WDR25: variants seen among roughly 807,000 people sequenced by gnomAD.
WDR25 encodes WD repeat domain 25, also known as WD repeat-containing protein 25.
Under a neutral mutation model 47.7 loss-of-function variants are expected in WDR25, and 35 were observed. The observed-to-expected ratio is 0.73, with a 90% CI of 0.56 to 0.97. WDR25 has a LOEUF of 0.97. Among genes scored for constraint, WDR25 ranks in the 50% least tolerant of loss-of-function variants. The pLI is 0.00. For missense variants in WDR25, 634 were observed against 704.7 expected, an observed-to-expected ratio of 0.90 and a Z score of 1.14; for synonymous variants, 248 against 278.9, an observed-to-expected ratio of 0.89 and a Z score of 1.10.
At chr14:100,452,869 A>G (rs1437544260) in intron 2 of WDR25, among the ~76,000 whole-genome samples, 1 of 152,174 alleles carries the variant, frequency 6.6e-6, no homozygotes, top group East Asian at 1.9e-4. Flanking sequence ...TTCAGCATAC[A>G]GTTGAGTGGT....
chr14:100,518,356 C>T lies in WDR25; in HGVS notation c.1102-7514C>T, dbSNP rs1008548636. Among the ~76,000 whole-genome samples the T allele has an allele frequency of 2.6e-5, 4 of 152,026 alleles. No homozygotes were observed. In the East Asian group the frequency reaches 7.7e-4, roughly 29 times the overall value. ...CATTTATGGTATTTCAAATTGTTCT[C>T]CTCTGTGTAATTCTTCATTTTTTTT... On this transcript the variant is annotated intron_variant, in intron 4 of 6. Transcript: ENST00000402312.
intron 3 of WDR25, among the ~76,000 whole-genome samples, chr14:100,478,689 C>G (rs926612450): frequency 6.6e-6 from 1 of 152,118 alleles, no homozygotes; most frequent in African/African-American, 2.4e-5. Flanking sequence ...TTTTCAATCT[C>G]TTTAGGGGGT....
chr14:100,519,567 G>A (rs1198018811), intron 4 of WDR25, among the ~76,000 whole-genome samples: 1 of 150,484 alleles, frequency 6.6e-6, no homozygotes, highest in Non-Finnish European at 1.5e-5. Context: ...TGTTTAAGAA[G>A]GTAGAGGAGA....
chr14:100,472,472 G>A (rs1399004257), intron 3 of WDR25, among the ~76,000 whole-genome samples: 17 of 152,256 alleles, frequency 1.1e-4, no homozygotes, highest in African/African-American at 4.1e-4. Flanking sequence ...CACATATAGG[G>A]TGCTTTGCAG....
At chr14:100,487,337 A>C (rs767019497) in intron 4 of WDR25, among the ~76,000 whole-genome samples, 8 of 152,256 alleles carry the variant, frequency 5.3e-5, no homozygotes, top group Non-Finnish European at 1.2e-4. Flanking sequence ...GAGGACAGAG[A>C]CCAGCAGTCA....
intron 2 of WDR25, among the ~76,000 whole-genome samples, chr14:100,405,850 C>A (rs1186205483): frequency 1.3e-5 from 2 of 152,200 alleles, no homozygotes; most frequent in African/African-American, 4.8e-5. Context: ...GGAAACCCAC[C>A]TGGATGTTTT....
chr14:100,382,810 C>T (rs536100564), intron 2 of WDR25, among the ~76,000 whole-genome samples: 29 of 152,322 alleles, frequency 1.9e-4, no homozygotes, highest in Admixed American at 5.9e-4. Context: ...GCTAGCTGGT[C>T]GACCACTGGC....
At chr14:100,467,934 C>T (rs1469945793) in intron 2 of WDR25, 87 bp from the exon 3 acceptor site, 5 of 1,521,708 alleles carry the variant, frequency 3.3e-6, no homozygotes, top group Non-Finnish European at 3.6e-6. Context: ...TCCACCGAGA[C>T]CTTTTTCTTT....
intron 4 of WDR25, among the ~76,000 whole-genome samples, chr14:100,503,244 C>G (rs555658775): frequency 3.1e-4 from 47 of 152,236 alleles, no homozygotes; most frequent in Non-Finnish European, 5.3e-4. Context: ...AGCATGCTGT[C>G]ACCATTGCCT....
At position 100,397,040 on chromosome 14, in the gene WDR25, G is replaced by GT. The variant is rs1204346504; in HGVS notation, c.822+15295dup. Among the ~76,000 whole-genome samples, 13 of 152,380 alleles carry GT rather than the reference G, an allele frequency of 8.5e-5. No individual in the cohort carries two copies. The East Asian group carries it at 2.5e-3, about 29-fold the overall frequency. ...GTTCAGAGGAGATGCTGCTGGAGGGGTGGCAAGGTGGGGTCTCCCCTCATG... is the reference window on the plus strand; with the variant it reads ...GTTCAGAGGAGATGCTGCTGGAGGGGTTGGCAAGGTGGGGTCTCCCCTCATG... On this transcript the variant is annotated intron_variant, in intron 2 of 6. Transcript: ENST00000402312.
At chr14:100,441,157 T>C (rs1285649672) in intron 2 of WDR25, among the ~76,000 whole-genome samples, 1 of 152,176 alleles carries the variant, frequency 6.6e-6, no homozygotes, top group African/African-American at 2.4e-5. Flanking sequence ...CACTCTGGTA[T>C]GGACATCATG....
chr14:100,514,264 TTA>T (rs1349192559), intron 4 of WDR25, among the ~76,000 whole-genome samples: 1 of 152,186 alleles, frequency 6.6e-6, no homozygotes, highest in Non-Finnish European at 1.5e-5. Context: ...ATTTGTATCT[TTA>T]TATTTAAAGT....
intron 2 of WDR25, among the ~76,000 whole-genome samples, chr14:100,403,405 T>G (rs1595503799): frequency 6.6e-6 from 1 of 152,150 alleles, no homozygotes; most frequent in Non-Finnish European, 1.5e-5. Flanking sequence ...CCTTTGGAAT[T>G]ATTGGGATCG....
chr14:100,444,267 T>C (rs965110812), intron 2 of WDR25, among the ~76,000 whole-genome samples: 20 of 152,176 alleles, frequency 1.3e-4, no homozygotes, highest in African/African-American at 4.6e-4. Context: ...CTGGTGCTGA[T>C]GGAAATTTTG....
chr14:100,460,796 G>A (rs528585668), intron 2 of WDR25, among the ~76,000 whole-genome samples: 6 of 152,310 alleles, frequency 3.9e-5, no homozygotes, highest in African/African-American at 1.4e-4. Context: ...ATAGGCAAGG[G>A]TGTCACGGAG....
intron 4 of WDR25, among the ~76,000 whole-genome samples, chr14:100,521,728 T>G (rs138557791): frequency 1.6e-4 from 25 of 152,338 alleles, no homozygotes; most frequent in African/African-American, 5.5e-4. Context: ...GCATTGTGCT[T>G]ATATCTCTTT....
chr14:100,382,260 C>G (rs938153700), intron 2 of WDR25: 3 of 686,300 alleles, frequency 4.4e-6, no homozygotes, highest in Non-Finnish European at 8.0e-6. Flanking sequence ...GTAGGACACA[C>G]AGGTGCTCTG....
At chr14:100,528,869 T>G (rs2030321160) in intron 5 of WDR25, among the ~76,000 whole-genome samples, 199 bp from the exon 6 acceptor site, 1 of 152,204 alleles carries the variant, frequency 6.6e-6, no homozygotes, top group Admixed American at 6.5e-5. Context: ...GAGGCCTTTT[T>G]CAGACTTCCG....
At position 100,500,266 on chromosome 14, in the gene WDR25, C is replaced by T. The variant is rs921706638; in HGVS notation, c.1101+16142C>T. Among the ~76,000 whole-genome samples, 1 of 152,082 alleles carries T rather than the reference C, an allele frequency of 6.6e-6. No homozygotes were observed. Among genetic ancestry groups the T allele is most frequent in the Non-Finnish European group, 1.5e-5 (1 of 68,022 alleles). On this transcript the variant is annotated intron_variant, in intron 4 of 6. Transcript: ENST00000402312. The surrounding 1 kb of genome is among the most constrained non-coding windows in gnomAD (Gnocchi z 4.7). Reference sequence around the variant, plus strand: ...GCTCACTCTTACTTCTCTCCTGCTGCGGTTCTGGGTGGTTCAGGACCTGCG... The same window carrying T: ...GCTCACTCTTACTTCTCTCCTGCTGTGGTTCTGGGTGGTTCAGGACCTGCG...
Sources: allele counts gnomAD v4.1 joint callset (sites outside exome capture counted in the v4.1 genomes callset), GRCh38; gene constraint gnomAD v4.1.1; non-coding constraint Gnocchi (gnomAD v3.1); transcripts MANE v1.5; gene names NCBI Gene and HGNC (gene_info 2026-07-23, HGNC 2026-07-21).